The following KDM6A variants were observed in gnomAD, a reference collection of about 807,000 sequenced individuals.
The protein encoded by KDM6A is lysine-specific demethylase 6A.
Under a neutral mutation model 117.6 loss-of-function variants are expected in KDM6A, and 11 were observed. The observed-to-expected ratio is 0.09, with a 90% CI of 0.06 to 0.15. The LOEUF (loss-of-function observed/expected upper bound fraction) is 0.15. KDM6A is among the 10% of genes least tolerant of loss of function. The probability of loss-of-function intolerance (pLI) is 1.00; values close to 1 mark genes in which losing one functional copy is unlikely to be tolerated. For missense variants in KDM6A, 799 were observed against 1,077.3 expected (o/e 0.74, Z 3.62); for synonymous variants, 384 against 396.1 (o/e 0.97, Z 0.36).
At chrX:44,943,331 A>G (rs1187129748) in intron 2 of KDM6A, among the ~76,000 whole-genome samples, 1 of 109,182 alleles carries the variant, frequency 9.2e-6, no homozygotes, top group East Asian at 2.8e-4. Context: ...GTATACCTTA[A>G]TTGAAAAGCA....
intron 27 of KDM6A, among the ~76,000 whole-genome samples, chrX:45,101,190 A>G (rs1211555416): frequency 9.0e-6 from 1 of 111,450 alleles, no homozygotes; most frequent in African/African-American, 3.3e-5. Context: ...TCTGGAATCC[A>G]ATCTGCCTTC....
chrX:44,922,079 GTTGCCCA>G, intron 2 of KDM6A, among the ~76,000 whole-genome samples: 1 of 65,145 alleles, frequency 1.5e-5, no homozygotes, highest in African/African-American at 6.0e-5. Context: ...GACAGAGCCT[GTTGCCCA>G]GGCTGGAGTT....
rs190554275 is a variant in KDM6A, at chrX:44,954,280, C to T, written c.226-7004C>T. ...AAGAATTTCCTTCTGATTTACGACA[C>T]ATCTTTCTGGAAAGGATATCAAGTT... On this transcript the variant is annotated intron_variant, in intron 2 of 29. Transcript: ENST00000611820. 1.2e-4 allele frequency among the ~76,000 whole-genome samples: 13 copies of T among 111,282 alleles called. No individual in the cohort carries two copies. In the East Asian group the frequency reaches 3.4e-3, roughly 29 times the overall value.
At chrX:44,952,057 T>G (rs1276247722) in intron 2 of KDM6A, among the ~76,000 whole-genome samples, 1 of 112,243 alleles carries the variant, frequency 8.9e-6, no homozygotes, top group Non-Finnish European at 1.9e-5. Flanking sequence ...ATTTCAATAG[T>G]GTAATTCTTT....
At chrX:44,900,872 C>T (rs1473469276) in intron 2 of KDM6A, among the ~76,000 whole-genome samples, 1 of 111,721 alleles carries the variant, frequency 9.0e-6, no homozygotes, top group African/African-American at 3.3e-5. Context: ...CAGAGCTAGA[C>T]TTCGTCTCAA....
At chrX:44,954,021 A>G (rs1215243797) in intron 2 of KDM6A, among the ~76,000 whole-genome samples, 3 of 108,144 alleles carry the variant, frequency 2.8e-5, no homozygotes, top group Non-Finnish European at 5.8e-5. Flanking sequence ...TTGTGCCACT[A>G]CACTCCAGCC....
chrX:44,873,513 G>A lies in KDM6A; in HGVS notation c.-39G>A. Reference sequence around the variant, plus strand: ...GTCACTGCGGGCCCCGGTCCGAGGGGGGGTGTCGGCGTTGGAGTTGTGAAT... The same window carrying A: ...GTCACTGCGGGCCCCGGTCCGAGGGAGGGTGTCGGCGTTGGAGTTGTGAAT... On this transcript the variant is annotated 5_prime_UTR_variant, in exon 1 of 30. Transcript: ENST00000611820. 2 of 1,209,154 alleles carry A rather than the reference G, an allele frequency of 1.7e-6. No individual in the cohort carries two copies. The highest frequency in any genetic ancestry group is 2.2e-6 in the Non-Finnish European group (2 of 894,626).
intron 2 of KDM6A, among the ~76,000 whole-genome samples, chrX:44,903,609 G>C (rs758669813): frequency 9.0e-6 from 1 of 111,031 alleles, no homozygotes; most frequent in South Asian, 3.8e-4. Flanking sequence ...CTGAGACTCT[G>C]TTAATTTTTC....
intron 28 of KDM6A, among the ~76,000 whole-genome samples, chrX:45,107,813 A>T (rs1260317512): frequency 3.6e-5 from 4 of 111,796 alleles, no homozygotes; most frequent in Admixed American, 2.9e-4. Context: ...CTGAGATTTT[A>T]AACTAAGAAC....
chrX:45,015,882 A>G (rs1305640632), intron 5 of KDM6A, among the ~76,000 whole-genome samples: 1 of 111,814 alleles, frequency 8.9e-6, no homozygotes, highest in Non-Finnish European at 1.9e-5. Flanking sequence ...AAAAACATAA[A>G]TCTTGCAATA....
chrX:44,874,045 C>T (rs989611445), intron 2 of KDM6A, 58 bp downstream of exon 2: 1 of 1,080,990 alleles, frequency 9.3e-7, no homozygotes, highest in Admixed American at 2.3e-5. Flanking sequence ...GCCGCGCTCG[C>T]CCCGGGCCCC....
At chrX:44,889,785 C>T (rs1164149724) in intron 2 of KDM6A, among the ~76,000 whole-genome samples, 1 of 112,343 alleles carries the variant, frequency 8.9e-6, no homozygotes, top group Non-Finnish European at 1.9e-5. Flanking sequence ...CATCACATGA[C>T]AGATTGGATA....
At chrX:45,053,082 T>C (rs972142050) in intron 9 of KDM6A, among the ~76,000 whole-genome samples, 2 of 111,746 alleles carry the variant, frequency 1.8e-5, no homozygotes, top group Non-Finnish European at 3.8e-5. Flanking sequence ...TTATCGTTGA[T>C]TCTATAGCCT....
chrX:45,101,494 G>A (rs1207727183), intron 27 of KDM6A, among the ~76,000 whole-genome samples: 1 of 110,347 alleles, frequency 9.1e-6, no homozygotes, highest in African/African-American at 3.3e-5. Context: ...CCTTTCCCAG[G>A]GGACATATGC....
At chrX:45,006,292 C>T (rs981527715) in intron 4 of KDM6A, among the ~76,000 whole-genome samples, 5 of 106,938 alleles carry the variant, frequency 4.7e-5, no homozygotes, top group African/African-American at 6.9e-5. Context: ...CAGAGACTGT[C>T]GGGAGGGGAA....
At chrX:45,068,885 G>C (rs1259834170) in intron 17 of KDM6A, among the ~76,000 whole-genome samples, 1 of 99,883 alleles carries the variant, frequency 1.0e-5, no homozygotes, top group South Asian at 4.9e-4. Flanking sequence ...TTGTGGAGAC[G>C]GAGTCTCATT....
chrX:45,093,468 G>A lies in KDM6A; in HGVS notation c.4034+2604G>A, dbSNP rs181885280. Among the ~76,000 whole-genome samples, 43 of 110,166 alleles carry A rather than the reference G, an allele frequency of 3.9e-4. 1 individual carries two copies. The South Asian group carries it at 0.015, about 40-fold the overall frequency. On this transcript the variant is annotated intron_variant, in intron 27 of 29. Coordinates refer to ENST00000611820, the MANE Select transcript of KDM6A (RefSeq NM_001291415.2). ...CAAGGGGTAAGCTTAGAAGTAGGGA[G>A]GACAAATTAGGAGGCAATTGTAACA...
intron 4 of KDM6A, among the ~76,000 whole-genome samples, chrX:44,998,030 T>G (rs1469277135): frequency 1.8e-5 from 2 of 111,940 alleles, no homozygotes; most frequent in African/African-American, 6.5e-5. Context: ...CAAGCTAGAT[T>G]GTGGGGACTT....
chrX:45,066,338 T>C (rs774825867), intron 17 of KDM6A, among the ~76,000 whole-genome samples: 132 of 112,060 alleles, frequency 1.2e-3, no homozygotes, highest in Admixed American at 1.2e-3. Flanking sequence ...TCCATTTCCA[T>C]ATACCGTGGC....
Sources: gnomAD v4.1 joint callset for allele counts (sites outside exome capture counted in the v4.1 genomes callset) on GRCh38, gnomAD v4.1.1 for gene constraint, MANE v1.5 for transcripts, NCBI Gene and HGNC (gene_info 2026-07-23, HGNC 2026-07-21) for gene names.